Variants in RNF182 observed in about 807,000 individuals in gnomAD.
The protein encoded by RNF182 is ring finger protein 182.
RNF182 carries 15 observed loss-of-function variants against 14.4 expected under a neutral mutation model. That is an observed-to-expected ratio of 1.04 (90% CI 0.70 to 1.60). The LOEUF (loss-of-function observed/expected upper bound fraction) is 1.60, where lower values mean the gene tolerates loss of function less well. RNF182 is among the 40% of genes most tolerant of loss of function. The pLI, the probability that RNF182 is intolerant of heterozygous loss-of-function variation, is 0.00. For synonymous variants in RNF182, 128 were observed against 122.9 expected (o/e 1.04, Z -0.27); for missense variants, 268 against 294.8 (o/e 0.91, Z 0.67).
chr6:13,967,557 C>G (rs1428551513), intron 1 of RNF182, among the ~76,000 whole-genome samples: 1 of 151,970 alleles, frequency 6.6e-6, no homozygotes, highest in Non-Finnish European at 1.5e-5. Flanking sequence ...TCTTTCTAGA[C>G]TACTTAGAAA....
At chr6:13,971,386 C>T (rs947868730) in intron 1 of RNF182, among the ~76,000 whole-genome samples, 2 of 152,078 alleles carry the variant, frequency 1.3e-5, no homozygotes, top group African/African-American at 4.8e-5. Flanking sequence ...TGAGGCCTCC[C>T]CAGCCATGTG....
At chr6:13,950,393 A>G (rs1365020608) in intron 1 of RNF182, among the ~76,000 whole-genome samples, 1 of 152,096 alleles carries the variant, frequency 6.6e-6, no homozygotes, top group Admixed American at 6.6e-5. Context: ...TGACCTTAAC[A>G]CATTTACCAA....
rs985228578 is a variant in RNF182 at position 13,980,295 on chromosome 6, C to A, written c.*2432C>A. 6.7e-6 allele frequency: 1 copy of A among 150,322 alleles called. No homozygotes were observed. Among genetic ancestry groups the A allele is most frequent in the South Asian group, 2.1e-4 (1 of 4,796 alleles). 9.3% of individuals were successfully genotyped at this position (150,322 alleles called of 1,614,324 possible). On this transcript the variant is annotated 3_prime_UTR_variant, in exon 3 of 3. Coordinates refer to ENST00000488300, the MANE Select transcript of RNF182 (RefSeq NM_152737.4). ...ATTAGGGGAGATGAAATAAAAATAT[C>A]GTCTTTATAAATAAATTCTTCGGTT... is the stretch of plus-strand genomic sequence containing the variant.
At chr6:13,964,230 GA>G (rs560704870) in intron 1 of RNF182, among the ~76,000 whole-genome samples, 103 of 152,284 alleles carry the variant, frequency 6.8e-4, no homozygotes, top group Middle Eastern at 6.8e-3. Context: ...CCAGTTTATG[GA>G]TTCTTAGAAT....
chr6:13,947,779 TA>T (rs1759477016), intron 1 of RNF182, among the ~76,000 whole-genome samples: 1 of 152,212 alleles, frequency 6.6e-6, no homozygotes, highest in Non-Finnish European at 1.5e-5. Context: ...TTTGATTCCT[TA>T]AACCAGTTTG....
chr6:13,972,294 G>A (rs1407996984), intron 1 of RNF182, among the ~76,000 whole-genome samples: 7 of 142,580 alleles, frequency 4.9e-5, no homozygotes, highest in Admixed American at 2.1e-4. Flanking sequence ...GACAGAGCAA[G>A]ACTCTGTCTC....
intron 1 of RNF182, among the ~76,000 whole-genome samples, chr6:13,942,114 G>T (rs1302285310): frequency 6.6e-6 from 1 of 152,124 alleles, no homozygotes; most frequent in African/African-American, 2.4e-5. Context: ...CTTTAAAGAT[G>T]TAATTTCATT....
intron 1 of RNF182, among the ~76,000 whole-genome samples, chr6:13,964,800 T>C (rs1168448494): frequency 2.0e-5 from 3 of 152,122 alleles, no homozygotes; most frequent in Admixed American, 2.0e-4. Context: ...CCTCACCCCA[T>C]AGTGTGTGTG....
At chr6:13,937,180 T>A (rs758622236) in intron 1 of RNF182, among the ~76,000 whole-genome samples, 11 of 152,220 alleles carry the variant, frequency 7.2e-5, no homozygotes, top group Admixed American at 4.6e-4. Context: ...TATTGAAGGT[T>A]AACATACATA....
rs116105970 is a variant in RNF182 at position 13,957,534 on chromosome 6, C to T, written c.-366-16676C>T. Among the ~76,000 whole-genome samples the T allele has an allele frequency of 6.5e-3, 994 of 152,244 alleles. 10 individuals are homozygous for T. Among genetic ancestry groups the T allele is most frequent in the African/African-American group, 0.023 (952 of 41,556 alleles). ...GTGACATTTTTGCTGAGTCCGAGTA[C>T]GGTTGGACCTTGGTGAACAGAAATC... On this transcript the variant is annotated intron_variant, in intron 1 of 2. Transcript: ENST00000488300.
chr6:13,930,436 C>T (rs1000403078), intron 1 of RNF182, among the ~76,000 whole-genome samples: 1 of 152,154 alleles, frequency 6.6e-6, no homozygotes, highest in Non-Finnish European at 1.5e-5. Context: ...TTTGCATTGC[C>T]TCACGGGGTT....
intron 1 of RNF182, among the ~76,000 whole-genome samples, chr6:13,957,684 ATAT>A (rs1309536081): frequency 3.9e-5 from 6 of 152,216 alleles, no homozygotes; most frequent in African/African-American, 9.6e-5. Flanking sequence ...TTTTAGGATA[ATAT>A]TATAAAAATA....
rs1432715589 is a variant in RNF182, at chr6:13,952,472, AC to A, written c.-366-21737del. On this transcript the variant is annotated intron_variant, in intron 1 of 2. Transcript: ENST00000488300. ...TACTGAGAGGACCCTCTAACCCCTTACGTCTCGGGAGGGATGCTAACCCTTC... is the reference window on the plus strand; with the variant it reads ...TACTGAGAGGACCCTCTAACCCCTTAGTCTCGGGAGGGATGCTAACCCTTC... 3.3e-5 allele frequency among the ~76,000 whole-genome samples: 5 copies of A among 152,126 alleles called. No homozygotes were observed. In the East Asian group the frequency reaches 5.8e-4, roughly 18 times the overall value.
intron 1 of RNF182, among the ~76,000 whole-genome samples, chr6:13,959,125 A>G (rs553461724): frequency 6.6e-6 from 1 of 152,340 alleles, no homozygotes; most frequent in Middle Eastern, 3.4e-3. Flanking sequence ...TCTGAATCAA[A>G]TAAACCTCTT....
intron 1 of RNF182, among the ~76,000 whole-genome samples, chr6:13,953,353 A>G (rs1484375942): frequency 3.3e-5 from 5 of 152,198 alleles, no homozygotes; most frequent in African/African-American, 1.2e-4. Flanking sequence ...ATGTAGAACA[A>G]AGGGATTAGT....
At chr6:13,956,965 A>G (rs572884014) in intron 1 of RNF182, among the ~76,000 whole-genome samples, 3 of 151,620 alleles carry the variant, frequency 2.0e-5, no homozygotes, top group South Asian at 2.1e-4. Flanking sequence ...TTTGTTCTAC[A>G]TCTTCACTAG....
intron 1 of RNF182, among the ~76,000 whole-genome samples, chr6:13,939,631 C>T (rs559535980): frequency 8.1e-4 from 124 of 152,220 alleles, no homozygotes; most frequent in African/African-American, 2.7e-3. Context: ...GCAAGCCCTG[C>T]CTCCCAGGTT....
At chr6:13,966,821 T>C (rs1760043164) in intron 1 of RNF182, among the ~76,000 whole-genome samples, 1 of 116,004 alleles carries the variant, frequency 8.6e-6, no homozygotes, top group African/African-American at 3.0e-5. Context: ...GTTTTGTGTG[T>C]GTGCGCGTGC....
At chr6:13,931,662 A>G (rs998396398) in intron 1 of RNF182, among the ~76,000 whole-genome samples, 1 of 141,950 alleles carries the variant, frequency 7.0e-6, no homozygotes, top group Non-Finnish European at 1.5e-5. Context: ...TTTTTTTTTT[A>G]ATGTTCAAGG....
Sources: allele counts gnomAD v4.1 joint callset (sites outside exome capture counted in the v4.1 genomes callset), GRCh38; gene constraint gnomAD v4.1.1; transcripts MANE v1.5; gene names NCBI Gene and HGNC (gene_info 2026-07-23, HGNC 2026-07-21).